Variants in SNX25 observed in about 807,000 individuals in gnomAD.
The protein encoded by SNX25 is sorting nexin-25.
Under a neutral mutation model 113.7 loss-of-function variants are expected in SNX25, and 62 were observed. The ratio of observed to expected loss-of-function variants is 0.55; its 90% CI spans 0.44 to 0.67. The LOEUF is 0.67. Among genes scored for constraint, SNX25 ranks in the 30% least tolerant of loss-of-function variants. The pLI, the probability that SNX25 is intolerant of heterozygous loss-of-function variation, is 0.00. For missense variants in SNX25, 1,014 were observed against 1,161.0 expected (o/e 0.87, Z 1.84); for synonymous variants, 421 against 436.2 (o/e 0.97, Z 0.43).
chr4:185,321,262 A>ATTT (rs556737428), intron 8 of SNX25, among the ~76,000 whole-genome samples: 3 of 137,258 alleles, frequency 2.2e-5, no homozygotes, highest in Non-Finnish European at 4.8e-5. Flanking sequence ...TTTCATTTCA[A>ATTT]TTTTTTTTTT....
chr4:185,332,482 T>C (rs911086479), intron 9 of SNX25, 113 bp from the exon 10 acceptor site: 46 of 1,017,694 alleles, frequency 4.5e-5, no homozygotes, highest in Middle Eastern at 3.2e-4. Flanking sequence ...TTTTCTACTT[T>C]AGTATTCTTT....
intron 1 of SNX25, among the ~76,000 whole-genome samples, chr4:185,214,741 C>T (rs552752253): frequency 2.0e-5 from 3 of 152,302 alleles, no homozygotes; most frequent in African/African-American, 7.2e-5. Flanking sequence ...TGCTACCTAC[C>T]TCATATTTCT....
intron 1 of SNX25, among the ~76,000 whole-genome samples, chr4:185,246,243 C>G (rs1744849345): frequency 6.6e-6 from 1 of 152,174 alleles, no homozygotes; most frequent in Non-Finnish European, 1.5e-5. Context: ...TGAGTGGTTG[C>G]AGTGAGCACC....
chr4:185,255,627 G>A (rs1261574805), intron 2 of SNX25, among the ~76,000 whole-genome samples: 1 of 152,144 alleles, frequency 6.6e-6, no homozygotes, highest in African/African-American at 2.4e-5. Flanking sequence ...AAACAAACTG[G>A]ATATCTAGTG....
intron 13 of SNX25, among the ~76,000 whole-genome samples, chr4:185,349,991 A>G (rs2095307321): frequency 6.6e-6 from 1 of 152,226 alleles, no homozygotes; most frequent in Non-Finnish European, 1.5e-5. Flanking sequence ...TTAATTCTGA[A>G]AAACGAATGA....
chr4:185,371,388 A>C (rs947515848), downstream of SNX25, among the ~76,000 whole-genome samples: 3 of 151,898 alleles, frequency 2.0e-5, no homozygotes, highest in Admixed American at 6.6e-5. Flanking sequence ...AAAAGATACA[A>C]AAAATTAGCT....
chr4:185,333,008 T>G (rs1430355545), intron 10 of SNX25, among the ~76,000 whole-genome samples: 1 of 152,222 alleles, frequency 6.6e-6, no homozygotes, highest in Non-Finnish European at 1.5e-5. Flanking sequence ...CTACAGGGCC[T>G]TTGGAGAAGG....
downstream of SNX25, chr4:185,373,999 A>C (rs964037333): frequency 2.7e-6 from 2 of 732,210 alleles, no homozygotes; most frequent in African/African-American, 3.6e-5. Flanking sequence ...GAGATCCTAA[A>C]ATGTATGCTT....
At chr4:185,373,180 A>G, downstream of SNX25, 2 of 1,061,802 alleles carry the variant, frequency 1.9e-6, no homozygotes. Flanking sequence ...AGATAGCACT[A>G]TTAATCATCT....
At chr4:185,372,737 C>T (rs74405242), downstream of SNX25, 932 of 761,244 alleles carry the variant, frequency 1.2e-3, 9 homozygotes, top group African/African-American at 0.015. Flanking sequence ...GTCCTCCCCT[C>T]TGGAGGTTGC....
intron 5 of SNX25, among the ~76,000 whole-genome samples, chr4:185,282,994 AAAAC>A (rs1370157700): frequency 6.6e-6 from 1 of 152,222 alleles, no homozygotes; most frequent in Non-Finnish European, 1.5e-5. Flanking sequence ...TGTTGAGAAA[AAAAC>A]AAGAATGAGA....
intron 16 of SNX25, among the ~76,000 whole-genome samples, chr4:185,360,725 A>G (rs1963923): frequency 0.42 from 63,937 of 151,510 alleles, 16,064 homozygotes; most frequent in African/African-American, 0.71. Flanking sequence ...GAGGTGGGCC[A>G]ATCCTGACAC....
At chr4:185,303,179 T>C (rs1314016056) in intron 6 of SNX25, among the ~76,000 whole-genome samples, 1 of 152,164 alleles carries the variant, frequency 6.6e-6, no homozygotes, top group Non-Finnish European at 1.5e-5. Flanking sequence ...AAGCATTGTA[T>C]GGGTCAGATC....
chr4:185,302,093 T>G (rs187557384), intron 6 of SNX25, among the ~76,000 whole-genome samples: 1,958 of 119,762 alleles, frequency 0.016, 38 homozygotes, highest in Admixed American at 0.053. Context: ...GTGTGTGTGT[T>G]TTTTTTGTTT....
At chr4:185,237,756 T>G (rs534518825) in intron 1 of SNX25, among the ~76,000 whole-genome samples, 6 of 151,580 alleles carry the variant, frequency 4.0e-5, no homozygotes, top group Non-Finnish European at 8.8e-5. Context: ...TTTGGTGTTG[T>G]TGTTGGAAAA....
At position 185,232,813 on chromosome 4, in the gene SNX25, A is replaced by T. The variant is rs749618988; in HGVS notation, c.430-14481A>T. Among the ~76,000 whole-genome samples, 2 of 152,232 alleles carry T rather than the reference A, an allele frequency of 1.3e-5. No homozygotes were observed. The highest frequency in any genetic ancestry group is 2.9e-5 in the Non-Finnish European group (2 of 68,052). ...TTTCCAATATACTTTAATATGTATG[A>T]ACTTCAAAATTCTCTTAGATTGGTT... On this transcript the variant is annotated intron_variant, in intron 1 of 18. Transcript: ENST00000652585. The surrounding 1 kb of genome is among the most constrained non-coding windows in gnomAD (Gnocchi z 4.4).
At chr4:185,297,047 T>C (rs188560072) in intron 6 of SNX25, among the ~76,000 whole-genome samples, 13 of 151,654 alleles carry the variant, frequency 8.6e-5, no homozygotes, top group African/African-American at 2.7e-4. Flanking sequence ...CTTATTCTAG[T>C]TTTTTGTTGA....
intron 2 of SNX25, 94 bp from the exon 3 acceptor site, chr4:185,258,754 A>T: frequency 1.1e-6 from 1 of 948,506 alleles, no homozygotes; most frequent in Non-Finnish European, 1.6e-6. Flanking sequence ...AACAGTGAAT[A>T]TTAAATAGTA....
intron 10 of SNX25, among the ~76,000 whole-genome samples, chr4:185,335,504 T>C (rs1242272814): frequency 6.6e-6 from 1 of 152,202 alleles, no homozygotes; most frequent in East Asian, 1.9e-4. Flanking sequence ...CTGTGAGACA[T>C]AGTGGTGCAG....
Sources: allele counts gnomAD v4.1 joint callset (sites outside exome capture counted in the v4.1 genomes callset), GRCh38; gene constraint gnomAD v4.1.1; non-coding constraint Gnocchi (gnomAD v3.1); transcripts MANE v1.5; gene names NCBI Gene and HGNC (gene_info 2026-07-23, HGNC 2026-07-21).